TM9SF3: variants seen among roughly 807,000 people sequenced by gnomAD.
The protein encoded by TM9SF3 is SM-11044-binding protein.
TM9SF3 carries 14 observed loss-of-function variants against 78.6 expected under a neutral mutation model. The ratio of observed to expected loss-of-function variants is 0.18; its 90% CI spans 0.12 to 0.28. TM9SF3 has a LOEUF of 0.28. Ranked by LOEUF, TM9SF3 falls within the 10% of genes least tolerant of loss-of-function variation. The pLI is 1.00. For missense variants in TM9SF3, 496 were observed against 721.9 expected (o/e 0.69, Z 3.59); for synonymous variants, 231 against 241.7 (o/e 0.96, Z 0.41).
intron 1 of TM9SF3, among the ~76,000 whole-genome samples, 174 bp from the exon 2 acceptor site, chr10:96,577,003 T>C (rs1457485224): frequency 1.3e-5 from 2 of 152,196 alleles, no homozygotes; most frequent in African/African-American, 4.8e-5. Flanking sequence ...AATGAAACTT[T>C]GTGAATTTTA....
intron 1 of TM9SF3, among the ~76,000 whole-genome samples, chr10:96,583,337 A>T (rs577629935): frequency 6.6e-6 from 1 of 152,210 alleles, no homozygotes; most frequent in East Asian, 1.9e-4. Context: ...ACAAGCTCTC[A>T]CACAGTCTTT....
intron 14 of TM9SF3, among the ~76,000 whole-genome samples, chr10:96,523,422 C>G (rs958798560): frequency 6.6e-6 from 1 of 151,726 alleles, no homozygotes; most frequent in African/African-American, 2.4e-5. Flanking sequence ...ATGAACTATA[C>G]CCCAAGGCTA....
chr10:96,554,210 C>T (rs1366133809), intron 5 of TM9SF3, among the ~76,000 whole-genome samples: 1 of 152,128 alleles, frequency 6.6e-6, no homozygotes, highest in Non-Finnish European at 1.5e-5. Flanking sequence ...CTAAATAAAA[C>T]CTAAAAGTTA....
At position 96,551,333 on chromosome 10, in the gene TM9SF3, A is replaced by G. The variant is rs767125607; in HGVS notation, c.871T>C (p.Phe291Leu). 13 of 1,612,986 alleles carry G rather than the reference A, an allele frequency of 8.1e-6. No individual in the cohort carries two copies. The highest frequency in any genetic ancestry group is 1.1e-5 in the South Asian group (1 of 91,058). ...VFRPSSHPLI[F>L]SSLIGSGCQI... ...CATCCAGAACCAATCAGAGAGGAAA[A>G]TATCAGTGGGTGACTTGATGGTCTA... The change falls in exon 7 of 15, where the codon TTT becomes CTT. Residue 291 changes from phenylalanine (F) to leucine (L), a missense_variant. This residue lies in a region of TM9SF3 where 280 missense variants were observed against 422.6 expected (regional missense o/e 0.66). Coordinates refer to ENST00000371142, the MANE Select transcript of TM9SF3 (RefSeq NM_020123.4).
intron 4 of TM9SF3, among the ~76,000 whole-genome samples, chr10:96,561,395 A>G (rs941454161): frequency 1.3e-5 from 2 of 152,324 alleles, no homozygotes; most frequent in East Asian, 3.9e-4. Flanking sequence ...AAAATTGACT[A>G]CTAGCAATGG....
intron 2 of TM9SF3, among the ~76,000 whole-genome samples, chr10:96,570,403 T>C (rs896927185): frequency 5.3e-5 from 8 of 152,222 alleles, no homozygotes; most frequent in African/African-American, 1.7e-4. Flanking sequence ...GTATTTGAAC[T>C]TCTATCACTG....
intron 1 of TM9SF3, among the ~76,000 whole-genome samples, chr10:96,581,561 C>T (rs1328055573): frequency 3.3e-5 from 5 of 152,064 alleles, no homozygotes; most frequent in African/African-American, 4.8e-5. Flanking sequence ...TAGCTTTGTA[C>T]CTAAATAAAC....
intron 9 of TM9SF3, among the ~76,000 whole-genome samples, chr10:96,539,975 T>C (rs1848003362): frequency 6.6e-6 from 1 of 152,198 alleles, no homozygotes; most frequent in African/African-American, 2.4e-5. Flanking sequence ...CCAGACAAGA[T>C]AATGCGTGTG....
rs931177058 is a variant in TM9SF3 at position 96,521,133 on chromosome 10, AC to A, written c.*1129del. 8.2e-6 allele frequency: 3 copies of A among 367,298 alleles called. No individual in the cohort carries two copies. The highest frequency in any genetic ancestry group is 1.5e-5 in the Non-Finnish European group (3 of 205,828). 22.8% of individuals were successfully genotyped at this position (367,298 alleles called of 1,614,324 possible). ...CTCAGAAAATAAACAGAAGAAAACA[AC>A]CCCCCTCCCAAAAGAAGTATGACAC... On this transcript the variant is annotated 3_prime_UTR_variant, in exon 15 of 15. Coordinates refer to ENST00000371142, the MANE Select transcript of TM9SF3 (RefSeq NM_020123.4).
At chr10:96,534,919 T>C (rs1314566155) in intron 9 of TM9SF3, among the ~76,000 whole-genome samples, 1 of 152,202 alleles carries the variant, frequency 6.6e-6, no homozygotes, top group Non-Finnish European at 1.5e-5. Flanking sequence ...AATTTTGTCA[T>C]TGATTAGGAA....
At chr10:96,570,833 C>T (rs6584085) in intron 2 of TM9SF3, among the ~76,000 whole-genome samples, 1,888 of 152,232 alleles carry the variant, frequency 0.012, 47 homozygotes, top group African/African-American at 0.043. Flanking sequence ...GCAACCTCTG[C>T]CTCCTGGATT....
At chr10:96,582,973 A>G (rs546484263) in intron 1 of TM9SF3, among the ~76,000 whole-genome samples, 23 of 151,894 alleles carry the variant, frequency 1.5e-4, no homozygotes, top group African/African-American at 5.5e-4. Context: ...CCAGCTACTC[A>G]GGAGGCTGAG....
chr10:96,559,833 G>T, intron 4 of TM9SF3, 97 bp from the exon 5 acceptor site: 3 of 641,992 alleles, frequency 4.7e-6, no homozygotes, highest in Non-Finnish European at 7.7e-6. Flanking sequence ...CACACACTTA[G>T]AATTAAAATT....
At chr10:96,581,123 C>T (rs946562044) in intron 1 of TM9SF3, among the ~76,000 whole-genome samples, 2 of 152,208 alleles carry the variant, frequency 1.3e-5, no homozygotes, top group African/African-American at 4.8e-5. Flanking sequence ...AAGCTATTTG[C>T]ACTCTAATCT....
chr10:96,558,645 C>CA (rs1202672629), intron 5 of TM9SF3, among the ~76,000 whole-genome samples: 3,794 of 87,986 alleles, frequency 0.043, 72 homozygotes, highest in African/African-American at 0.075. Flanking sequence ...GGCTCTGTCT[C>CA]AAAAAAAAAA....
chr10:96,557,857 T>C (rs965881831), intron 5 of TM9SF3, among the ~76,000 whole-genome samples: 16 of 152,254 alleles, frequency 1.1e-4, no homozygotes, highest in Non-Finnish European at 1.8e-4. Context: ...CTTGTTCTGC[T>C]GTCTACTTTT....
At position 96,561,851 on chromosome 10, in the gene TM9SF3, T is replaced by C. The variant is rs74151379; in HGVS notation, c.582+127A>G. ...CTTACTTACGTACACTGAGAAAATATAGTTTTAATAATATTCTGTTGCATC... is the reference window on the plus strand; with the variant it reads ...CTTACTTACGTACACTGAGAAAATACAGTTTTAATAATATTCTGTTGCATC... On this transcript the variant is annotated intron_variant, in intron 4 of 14. Coordinates refer to ENST00000371142, the MANE Select transcript of TM9SF3 (RefSeq NM_020123.4). The C allele has an allele frequency of 1.7e-3, 1,324 of 786,122 alleles. 15 individuals carry two copies. In the African/African-American group the frequency reaches 0.02, roughly 12 times the overall value. The allele number at this position is 786,122 out of a possible 1,614,324, so 48.7% of individuals were successfully genotyped here.
At chr10:96,555,052 C>T (rs908166916) in intron 5 of TM9SF3, among the ~76,000 whole-genome samples, 2 of 151,392 alleles carry the variant, frequency 1.3e-5, no homozygotes, top group Admixed American at 1.3e-4. Flanking sequence ...CTCTCCCCTT[C>T]CTTTCAATTT....
At position 96,532,962 on chromosome 10, in the gene TM9SF3, A is replaced by G. The variant is rs534624810; in HGVS notation, c.1325+89T>C. The G allele has an allele frequency of 1.8e-5, 27 of 1,467,060 alleles. No homozygotes were observed. The African/African-American group carries it at 3.8e-4, about 21-fold the overall frequency. 90.9% of individuals were successfully genotyped at this position (1,467,060 alleles called of 1,614,324 possible). On this transcript the variant is annotated intron_variant, in intron 10 of 14. Coordinates refer to ENST00000371142, the MANE Select transcript of TM9SF3 (RefSeq NM_020123.4). Reference sequence around the variant, plus strand: ...TTAAGATTGTCATTATCATAAATACATACCAATTCTAAAGTTACATGTACA... The same window carrying G: ...TTAAGATTGTCATTATCATAAATACGTACCAATTCTAAAGTTACATGTACA...
Sources: gnomAD v4.1 joint callset for allele counts (sites outside exome capture counted in the v4.1 genomes callset) on GRCh38, gnomAD v4.1.1 for gene constraint, gnomAD v4.1.1 regional missense constraint, MANE v1.5 for transcripts, NCBI Gene and HGNC (gene_info 2026-07-23, HGNC 2026-07-21) for gene names.